The following MLLT3 variants were observed in gnomAD, a reference collection of about 807,000 sequenced individuals.
MLLT3 encodes protein AF-9.
In MLLT3, 4 loss-of-function variants were observed where a neutral mutation model predicts 53.2. The observed-to-expected ratio is 0.08, with a 90% CI of 0.04 to 0.17. The LOEUF (loss-of-function observed/expected upper bound fraction) is 0.17. MLLT3 is among the 10% of genes least tolerant of loss of function. The pLI is 1.00. For missense variants in MLLT3, 569 were observed against 684.0 expected (o/e 0.83, Z 1.87); for synonymous variants, 283 against 230.6 (o/e 1.23, Z -2.06).
intron 2 of MLLT3, among the ~76,000 whole-genome samples, chr9:20,518,498 A>C (rs190967376): frequency 1.0e-3 from 154 of 152,326 alleles, no homozygotes; most frequent in African/African-American, 3.5e-3. Context: ...ATGGAAACAA[A>C]AATAAGTGGG....
At chr9:20,457,190 C>T (rs1823990253) in intron 2 of MLLT3, among the ~76,000 whole-genome samples, 1 of 151,168 alleles carries the variant, frequency 6.6e-6, no homozygotes, top group Admixed American at 6.6e-5. Flanking sequence ...ATGCAAATCA[C>T]TCCCCACCTT....
chr9:20,368,994 G>C (rs982233213), intron 5 of MLLT3, among the ~76,000 whole-genome samples: 1 of 152,188 alleles, frequency 6.6e-6, no homozygotes, highest in African/African-American at 2.4e-5. Flanking sequence ...GTGGACAACA[G>C]AATGACAGGA....
rs764224947 is a variant in MLLT3, at chr9:20,346,451, T to G, written c.1699A>C (p.Thr567Pro). 1.2e-6 allele frequency: 2 copies of G among 1,613,076 alleles called. No individual in the cohort carries two copies. The highest frequency in any genetic ancestry group is 1.7e-6 in the Non-Finnish European group (2 of 1,179,650). The change falls in exon 11 of 11, where the codon ACA (threonine) becomes CCA (proline). Residue 567 changes from threonine (T) to proline (P), a missense_variant. Thr to Pro is a conservative substitution (Grantham distance 38). This residue lies in a region of MLLT3 where 45 missense variants were observed against 85.5 expected (regional missense o/e 0.53). Transcript: ENST00000380338. Reference sequence around the variant, plus strand: ...ATCCAGTTGTTATATCCTCAGGATGTTCCAGATGTTTCCAGGTAACTCTGT... The same window carrying G: ...ATCCAGTTGTTATATCCTCAGGATGGTCCAGATGTTTCCAGGTAACTCTGT... ...KLQSYLETSGTS is the reference protein window; with the variant it reads ...KLQSYLETSGPS
intron 2 of MLLT3, among the ~76,000 whole-genome samples, chr9:20,514,169 G>C (rs1190258988): frequency 6.6e-6 from 1 of 152,186 alleles, no homozygotes; most frequent in Admixed American, 6.5e-5. Flanking sequence ...GGAAGTGTAG[G>C]GGTGTACATT....
rs1176274864 is a variant in MLLT3, at chr9:20,620,293, A to ACACACACACG, written c.193+360_193+361insCGTGTGTGTG. The stretch of plus-strand genomic sequence containing the variant: ...CACACACACACACACACACACACAC[A>ACACACACACG]CGCGCAAAGTGTTTATTCCCTCCAG... On this transcript the variant is annotated intron_variant, in intron 2 of 10. Coordinates refer to ENST00000380338, the MANE Select transcript of MLLT3 (RefSeq NM_004529.4). This position sits in a 1 kb window ranked among gnomAD's most constrained non-coding sequence, Gnocchi z 6.1. 2.9e-4 allele frequency among the ~76,000 whole-genome samples: 42 copies of ACACACACACG among 146,072 alleles called. No individual in the cohort carries two copies. The highest frequency in any genetic ancestry group is 1.0e-3 in the African/African-American group (41 of 39,930).
At chr9:20,609,659 C>T (rs764422830) in intron 2 of MLLT3, among the ~76,000 whole-genome samples, 3 of 152,112 alleles carry the variant, frequency 2.0e-5, no homozygotes, top group African/African-American at 7.2e-5. Context: ...TCTTGAAATG[C>T]TCCAATCTAC....
intron 2 of MLLT3, among the ~76,000 whole-genome samples, chr9:20,477,907 T>C (rs534322677): frequency 6.6e-6 from 1 of 152,362 alleles, no homozygotes; most frequent in South Asian, 2.1e-4. Context: ...TAACCAATAC[T>C]GGATTTAACA....
chr9:20,421,427 AAGG>A lies in MLLT3; in HGVS notation c.421-7005_421-7003del, dbSNP rs145578823. 6.2e-4 allele frequency among the ~76,000 whole-genome samples: 94 copies of A among 152,268 alleles called. No individual in the cohort carries two copies. The East Asian group carries it at 0.014, about 23-fold the overall frequency. On this transcript the variant is annotated intron_variant, in intron 4 of 10. Coordinates refer to ENST00000380338, the MANE Select transcript of MLLT3 (RefSeq NM_004529.4). ...TTTTTAAACAAAAAAGAAGAGGTAC[AAGG>A]AGAAGAGAGAAACCAAGTACAAAGC... is the stretch of plus-strand genomic sequence containing the variant.
At chr9:20,541,048 A>C (rs1159485543) in intron 2 of MLLT3, among the ~76,000 whole-genome samples, 1 of 152,158 alleles carries the variant, frequency 6.6e-6, no homozygotes, top group African/African-American at 2.4e-5. Flanking sequence ...AGTTCCACAA[A>C]TCTCTAGGGC....
intron 2 of MLLT3, among the ~76,000 whole-genome samples, chr9:20,461,436 C>G (rs1190137086): frequency 6.6e-6 from 1 of 152,058 alleles, no homozygotes; most frequent in African/African-American, 2.4e-5. Flanking sequence ...AGAAATAAGT[C>G]AAACCCTTAC....
At chr9:20,397,430 T>G (rs1357512211) in intron 5 of MLLT3, among the ~76,000 whole-genome samples, 1 of 151,604 alleles carries the variant, frequency 6.6e-6, no homozygotes, top group Non-Finnish European at 1.5e-5. Flanking sequence ...TTGGCAAGAG[T>G]GAGTATGCTT....
At chr9:20,540,431 G>A (rs1818600358) in intron 2 of MLLT3, among the ~76,000 whole-genome samples, 1 of 152,238 alleles carries the variant, frequency 6.6e-6, no homozygotes, top group African/African-American at 2.4e-5. Context: ...TCTAGGCAGA[G>A]GTTCCCAAAC....
At chr9:20,473,994 T>C (rs1824459562) in intron 2 of MLLT3, among the ~76,000 whole-genome samples, 2 of 152,210 alleles carry the variant, frequency 1.3e-5, no homozygotes, top group South Asian at 4.1e-4. Flanking sequence ...CCTACAGACT[T>C]GGAATAAAGT....
chr9:20,604,001 G>C (rs2131200760), intron 2 of MLLT3, among the ~76,000 whole-genome samples: 1 of 152,190 alleles, frequency 6.6e-6, no homozygotes, highest in South Asian at 2.1e-4. Context: ...TTCAAACACA[G>C]AAGGTATCCA....
chr9:20,360,600 C>A, intron 8 of MLLT3, 142 bp downstream of exon 8: 1 of 672,064 alleles, frequency 1.5e-6, no homozygotes, highest in African/African-American at 1.8e-5. Context: ...GTGTTTATTC[C>A]ACAGGCTGTG....
At chr9:20,516,968 A>T (rs1312311941) in intron 2 of MLLT3, among the ~76,000 whole-genome samples, 1 of 152,230 alleles carries the variant, frequency 6.6e-6, no homozygotes, top group Non-Finnish European at 1.5e-5. Context: ...ATGCAGTTTA[A>T]GGATAAATGT....
At chr9:20,482,262 G>A (rs1364394186) in intron 2 of MLLT3, among the ~76,000 whole-genome samples, 1 of 152,102 alleles carries the variant, frequency 6.6e-6, no homozygotes, top group Non-Finnish European at 1.5e-5. Flanking sequence ...AGTTTCAATC[G>A]GCATGACAAT....
chr9:20,559,026 G>C (rs931326148), intron 2 of MLLT3, among the ~76,000 whole-genome samples: 1 of 152,146 alleles, frequency 6.6e-6, no homozygotes, highest in African/African-American at 2.4e-5. Flanking sequence ...GTAGCACAAT[G>C]GTTGTTTTAT....
At chr9:20,596,393 A>C (rs188855392) in intron 2 of MLLT3, among the ~76,000 whole-genome samples, 39 of 152,342 alleles carry the variant, frequency 2.6e-4, no homozygotes, top group African/African-American at 9.1e-4. Flanking sequence ...GTTTTCATTT[A>C]AAATAATAAG....
Sources: allele counts gnomAD v4.1 joint callset (sites outside exome capture counted in the v4.1 genomes callset), GRCh38; gene constraint gnomAD v4.1.1; regional missense constraint gnomAD v4.1.1; non-coding constraint Gnocchi (gnomAD v3.1); transcripts MANE v1.5; gene names NCBI Gene and HGNC (gene_info 2026-07-23, HGNC 2026-07-21).